The following TTBK2 variants were observed in gnomAD, a reference collection of about 807,000 sequenced individuals.
The protein encoded by TTBK2 is tau-tubulin kinase 2.
Under a neutral mutation model 110.8 loss-of-function variants are expected in TTBK2, and 28 were observed. The observed-to-expected ratio is 0.25, with a 90% CI of 0.19 to 0.35. The LOEUF (loss-of-function observed/expected upper bound fraction) is 0.35, where lower values mean the gene tolerates loss of function less well. Ranked by LOEUF, TTBK2 falls within the 10% of genes least tolerant of loss-of-function variation. TTBK2 has a pLI of 1.00. For synonymous variants in TTBK2, 532 were observed against 527.3 expected (o/e 1.01, Z -0.12); for missense variants, 1,369 against 1,500.3 (o/e 0.91, Z 1.45).
intron 10 of TTBK2, among the ~76,000 whole-genome samples, chr15:42,788,093 T>C (rs1202572118): frequency 1.3e-5 from 2 of 152,008 alleles, no homozygotes; most frequent in African/African-American, 4.8e-5. Context: ...AACTACAGTA[T>C]TGTAATCTTA....
Position 42,861,290 on chromosome 15 carries a change from C to T in TTBK2, c.217+11321G>A, listed in dbSNP as rs576853575. 2.6e-5 allele frequency among the ~76,000 whole-genome samples: 4 copies of T among 152,224 alleles called. No individual in the cohort carries two copies. The South Asian group carries it at 8.3e-4, about 32-fold the overall frequency. On this transcript the variant is annotated intron_variant, in intron 3 of 14. Transcript: ENST00000267890. ...ATCTACAGAATACTCCACCCAATAA[C>T]CACAGAATATACATTCTTCTTATCT...
intron 1 of TTBK2, among the ~76,000 whole-genome samples, chr15:42,895,755 C>G (rs1048823837): frequency 6.6e-6 from 1 of 151,756 alleles, no homozygotes. Context: ...GACAGGATGG[C>G]CTCGATCTCC....
intron 3 of TTBK2, among the ~76,000 whole-genome samples, chr15:42,842,403 G>C (rs1474049747): frequency 7.9e-5 from 12 of 152,036 alleles, no homozygotes; most frequent in Admixed American, 7.9e-4. Flanking sequence ...GTGAGTCAAG[G>C]GGCAGAAGCC....
At chr15:42,876,290 T>G (rs1894817321) in intron 2 of TTBK2, among the ~76,000 whole-genome samples, 1 of 152,144 alleles carries the variant, frequency 6.6e-6, no homozygotes, top group African/African-American at 2.4e-5. Flanking sequence ...CTCCCAAATT[T>G]TGGAGATAAG....
Position 42,744,651 on chromosome 15 carries a change from A to C in TTBK2, c.*1144T>G, listed in dbSNP as rs940830656. On this transcript the variant is annotated 3_prime_UTR_variant, in exon 15 of 15. Transcript: ENST00000267890. ...AAGCCCAAATGTTGAACTAAAACAC[A>C]GGAGAAGCAGGTAATAAAACATTAA... The C allele has an allele frequency of 6.6e-6, 1 of 152,234 alleles. No individual in the cohort carries two copies. Among genetic ancestry groups the C allele is most frequent in the African/African-American group, 2.4e-5 (1 of 41,458 alleles). 9.4% of individuals were successfully genotyped at this position (152,234 alleles called of 1,614,324 possible). A position where few individuals can be genotyped will look rare whatever the true frequency, so the allele number is the denominator to read the frequency against.
At position 42,829,792 on chromosome 15, in the gene TTBK2, TG is replaced by T. The variant is rs199608469; in HGVS notation, c.432+145del. The T allele has an allele frequency of 8.7e-4, 909 of 1,047,352 alleles. 4 individuals are homozygous for T. The African/African-American group carries it at 0.013, about 15-fold the overall frequency. 64.9% of individuals were successfully genotyped at this position (1,047,352 alleles called of 1,614,324 possible). A position where few individuals can be genotyped will look rare whatever the true frequency, so the allele number is the denominator to read the frequency against. Reference sequence around the variant, plus strand: ...AAAATTAACAGGTAAGTTATATTTTTGCTTCCAGGTCTCTATTGGAATGAAA... The same window carrying T: ...AAAATTAACAGGTAAGTTATATTTTTCTTCCAGGTCTCTATTGGAATGAAA... On this transcript the variant is annotated intron_variant, in intron 5 of 14. Transcript: ENST00000267890.
At chr15:42,800,891 T>C in intron 9 of TTBK2, 3 of 638,292 alleles carry the variant, frequency 4.7e-6, no homozygotes, top group South Asian at 3.7e-5. Flanking sequence ...TCCCGTTCCC[T>C]GTGTTCCCCT....
rs1174339850 is a variant in TTBK2 at position 42,754,660 on chromosome 15, G to A, written c.1999-1413C>T. Among the ~76,000 whole-genome samples, 5 of 144,098 alleles carry A rather than the reference G, an allele frequency of 3.5e-5. No homozygotes were observed. In the South Asian group the frequency reaches 9.9e-4, roughly 28 times the overall value. 94.5% of individuals were successfully genotyped at this position (144,098 alleles called of 152,430 possible). A position where few individuals can be genotyped will look rare whatever the true frequency, so the allele number is the denominator to read the frequency against. On this transcript the variant is annotated intron_variant, in intron 13 of 14. Coordinates refer to ENST00000267890, the MANE Select transcript of TTBK2 (RefSeq NM_173500.4). ...GATCCACCCACCTCGGCCTCCCAAA[G>A]TGCTGGGATTACAGGTGTGAGCCAC...
intron 3 of TTBK2, among the ~76,000 whole-genome samples, chr15:42,865,511 AC>A (rs1412397975): frequency 7.5e-4 from 88 of 117,330 alleles, no homozygotes; most frequent in African/African-American, 4.1e-3. Context: ...AAATAATAAT[AC>A]TAAAAAAAAA....
intron 4 of TTBK2, among the ~76,000 whole-genome samples, chr15:42,833,293 G>GTGGAA (rs1411240863): frequency 1.4e-5 from 2 of 139,264 alleles, no homozygotes. Context: ...ATATAGTAAT[G>GTGGAA]TGGAATGAAT....
At chr15:42,890,892 G>A (rs1161354523) in intron 1 of TTBK2, among the ~76,000 whole-genome samples, 1 of 152,070 alleles carries the variant, frequency 6.6e-6, no homozygotes, top group Non-Finnish European at 1.5e-5. Context: ...TTTTGAGATG[G>A]AGTCTCACTC....
chr15:42,806,988 G>A lies in TTBK2; in HGVS notation c.822+3626C>T, dbSNP rs16957174. On this transcript the variant is annotated intron_variant, in intron 9 of 14. Coordinates refer to ENST00000267890, the MANE Select transcript of TTBK2 (RefSeq NM_173500.4). ...CCTTCCTTGACCACTCTATTTGATC[G>A]GAGGTTCCCCCTTGTTTTCAGCTCA... Among the ~76,000 whole-genome samples the A allele has an allele frequency of 8.5e-3, 1,290 of 152,182 alleles. 18 individuals are homozygous for A. Among genetic ancestry groups the A allele is most frequent in the African/African-American group, 0.029 (1,208 of 41,532 alleles).
At chr15:42,753,749 C>T (rs774382774) in intron 13 of TTBK2, among the ~76,000 whole-genome samples, 1 of 152,182 alleles carries the variant, frequency 6.6e-6, no homozygotes, top group Non-Finnish European at 1.5e-5. Flanking sequence ...GTTCTGCGAA[C>T]ACCCACTTCT....
In TTBK2 at chr15:42,877,841, G is replaced by A. The variant is rs1451482992; in HGVS notation, c.69+708C>T. Among the ~76,000 whole-genome samples the A allele has an allele frequency of 3.9e-5, 6 of 152,076 alleles. No individual in the cohort carries two copies. The East Asian group carries it at 1.2e-3, about 29-fold the overall frequency. On this transcript the variant is annotated intron_variant, in intron 2 of 14. Coordinates refer to ENST00000267890, the MANE Select transcript of TTBK2 (RefSeq NM_173500.4). ...TAAAAGTAAGTCCTTATTTTTTAGA[G>A]ATACATACTGAAGTATACACAGAAG... is the stretch of plus-strand genomic sequence containing the variant.
chr15:42,815,958 A>AAAAATATATAT lies in TTBK2; in HGVS notation c.603+1073_603+1074insATATATATTTT, dbSNP rs71108183. Reference sequence around the variant, plus strand: ...TATATATATATATATTTAAAAAAAAAATATATATATATATATATATTTGAG... The same window carrying AAAAATATATAT: ...TATATATATATATATTTAAAAAAAAAAAAATATATATATATATATATATATATATATTTGAG... On this transcript the variant is annotated intron_variant, in intron 7 of 14. Coordinates refer to ENST00000267890, the MANE Select transcript of TTBK2 (RefSeq NM_173500.4). Among the ~76,000 whole-genome samples, 524 of 91,676 alleles carry AAAAATATATAT rather than the reference A, an allele frequency of 5.7e-3. 22 individuals are homozygous for AAAAATATATAT. Among genetic ancestry groups the AAAAATATATAT allele is most frequent in the African/African-American group, 0.026 (417 of 16,128 alleles). 60.1% of individuals were successfully genotyped at this position (91,676 alleles called of 152,430 possible).
chr15:42,774,097 A>G (rs1306359772), intron 13 of TTBK2, among the ~76,000 whole-genome samples: 1 of 152,222 alleles, frequency 6.6e-6, no homozygotes, highest in Non-Finnish European at 1.5e-5. Flanking sequence ...AGCACAGGCA[A>G]ATTTCTCAGA....
chr15:42,885,985 T>G (rs1345869873), intron 1 of TTBK2, among the ~76,000 whole-genome samples: 2 of 152,184 alleles, frequency 1.3e-5, no homozygotes, highest in Non-Finnish European at 2.9e-5. Flanking sequence ...TAGATAATGT[T>G]TGTCAAAAAA....
rs1405204294 is a variant in TTBK2, at chr15:42,827,381, C to G, written c.537+547G>C. Among the ~76,000 whole-genome samples, 4 of 152,000 alleles carry G rather than the reference C, an allele frequency of 2.6e-5. No individual in the cohort carries two copies. The East Asian group carries it at 7.7e-4, about 29-fold the overall frequency. ...CAGTTTCCAACAAAAAATCATGAGG[C>G]ATGCAAAGAAACAGGAAAGTATGAC... On this transcript the variant is annotated intron_variant, in intron 6 of 14. Transcript: ENST00000267890.
intron 3 of TTBK2, among the ~76,000 whole-genome samples, chr15:42,857,741 T>TG (rs1397279885): frequency 2.0e-5 from 3 of 152,256 alleles, no homozygotes; most frequent in Non-Finnish European, 4.4e-5. Context: ...TACAATTTTT[T>TG]TTTTTGGCAA....
Sources: allele counts gnomAD v4.1 joint callset (sites outside exome capture counted in the v4.1 genomes callset), GRCh38; gene constraint gnomAD v4.1.1; transcripts MANE v1.5; gene names NCBI Gene and HGNC (gene_info 2026-07-23, HGNC 2026-07-21).